Variants in CHSY3 observed in about 807,000 individuals in gnomAD.
CHSY3 encodes N-acetylgalactosaminyl-proteoglycan 3-beta-glucuronosyltransferase 3.
A neutral mutation model predicts 67.2 loss-of-function variants in CHSY3; 35 were observed. The ratio of observed to expected loss-of-function variants is 0.52; its 90% CI spans 0.40 to 0.69. CHSY3 has a LOEUF of 0.69. Among genes scored for constraint, CHSY3 ranks in the 30% least tolerant of loss-of-function variants. CHSY3 has a pLI of 0.00. For missense variants in CHSY3, 1,069 were observed against 1,138.5 expected (o/e 0.94, Z 0.88); for synonymous variants, 474 against 434.7 (o/e 1.09, Z -1.12).
At chr5:130,045,527 A>G (rs1224837441) in intron 2 of CHSY3, among the ~76,000 whole-genome samples, 1 of 152,060 alleles carries the variant, frequency 6.6e-6, no homozygotes, top group African/African-American at 2.4e-5. Flanking sequence ...GTTGCTAGTG[A>G]CACAAGGATG....
At chr5:130,075,170 G>T (rs1167796771) in intron 2 of CHSY3, among the ~76,000 whole-genome samples, 3 of 152,024 alleles carry the variant, frequency 2.0e-5, no homozygotes, top group African/African-American at 4.8e-5. Context: ...AATGTTTCAG[G>T]CTTAGAGAGG....
intron 2 of CHSY3, among the ~76,000 whole-genome samples, chr5:129,968,749 C>T (rs1180452633): frequency 2.0e-5 from 3 of 151,792 alleles, no homozygotes; most frequent in Non-Finnish European, 1.5e-5. Flanking sequence ...AGCAAACAGG[C>T]CAATGTGTGT....
chr5:130,019,148 A>T (rs527663460), intron 2 of CHSY3, among the ~76,000 whole-genome samples: 89 of 151,740 alleles, frequency 5.9e-4, no homozygotes, highest in Non-Finnish European at 9.4e-4. Flanking sequence ...GTAGAAAAAA[A>T]TTTTTTTTTC....
At chr5:130,149,566 C>T (rs1398013275) in intron 2 of CHSY3, among the ~76,000 whole-genome samples, 1 of 152,188 alleles carries the variant, frequency 6.6e-6, no homozygotes, top group Non-Finnish European at 1.5e-5. Flanking sequence ...AAACACCTCC[C>T]ACTAGGCCCC....
intron 2 of CHSY3, among the ~76,000 whole-genome samples, chr5:130,060,268 A>G (rs1417505693): frequency 6.6e-6 from 1 of 152,224 alleles, no homozygotes; most frequent in South Asian, 2.1e-4. Context: ...ACATCCACAA[A>G]TCAATAAATG....
chr5:130,112,032 G>A (rs1767606433), intron 2 of CHSY3, among the ~76,000 whole-genome samples: 1 of 151,994 alleles, frequency 6.6e-6, no homozygotes, highest in Non-Finnish European at 1.5e-5. Flanking sequence ...GTTGATAAGG[G>A]GCTGAGCCTC....
At chr5:130,159,562 CTCT>C (rs1369442328) in intron 2 of CHSY3, among the ~76,000 whole-genome samples, 1 of 152,112 alleles carries the variant, frequency 6.6e-6, no homozygotes, top group Non-Finnish European at 1.5e-5. Flanking sequence ...ATTGTGCAGC[CTCT>C]TCTTACTGCT....
chr5:129,925,145 G>C (rs1035098215), intron 2 of CHSY3, among the ~76,000 whole-genome samples: 6 of 152,160 alleles, frequency 3.9e-5, no homozygotes, highest in Admixed American at 2.6e-4. Flanking sequence ...ATTTCACCAG[G>C]GAAGGCTTCT....
rs116276928 is a variant in CHSY3 at position 130,057,689 on chromosome 5, A to C, written c.1087-126540A>C. Among the ~76,000 whole-genome samples the C allele has an allele frequency of 4.7e-3, 717 of 152,342 alleles. 9 individuals are homozygous for C. Among genetic ancestry groups the C allele is most frequent in the African/African-American group, 0.016 (678 of 41,584 alleles). On this transcript the variant is annotated intron_variant, in intron 2 of 2. Coordinates refer to ENST00000305031, the MANE Select transcript of CHSY3 (RefSeq NM_175856.5). The stretch of plus-strand genomic sequence containing the variant: ...AAAAGGACTAATGATGGACTCATCT[A>C]TAATTTTTGGCTTGCTTTCTCCATA...
intron 2 of CHSY3, among the ~76,000 whole-genome samples, chr5:130,042,576 G>T (rs1459735378): frequency 1.3e-5 from 2 of 152,002 alleles, no homozygotes; most frequent in Admixed American, 6.6e-5. Flanking sequence ...TTAAAGTATA[G>T]AGCATTTATA....
chr5:130,143,816 A>ATAT (rs1768985195), intron 2 of CHSY3, among the ~76,000 whole-genome samples: 1 of 100,342 alleles, frequency 1.0e-5, no homozygotes, highest in African/African-American at 3.9e-5. Context: ...GTGTGTATAT[A>ATAT]TATATATATA....
At chr5:130,144,289 A>T (rs1289142376) in intron 2 of CHSY3, among the ~76,000 whole-genome samples, 1 of 152,102 alleles carries the variant, frequency 6.6e-6, no homozygotes, top group African/African-American at 2.4e-5. Context: ...CTTATCCCCC[A>T]CAAAAGGGAC....
intron 1 of CHSY3, chr5:129,905,908 TTTA>T: frequency 1.6e-6 from 1 of 627,238 alleles, no homozygotes. Flanking sequence ...TCCCTTAGTC[TTTA>T]CCTCGTCGGA....
intron 2 of CHSY3, among the ~76,000 whole-genome samples, chr5:130,075,357 G>C (rs73785870): frequency 6.6e-6 from 1 of 152,070 alleles, no homozygotes; most frequent in Admixed American, 6.6e-5. Context: ...AATTCAAAGA[G>C]ATGGGTCTCT....
At chr5:130,151,948 T>C (rs1769243675) in intron 2 of CHSY3, among the ~76,000 whole-genome samples, 1 of 152,200 alleles carries the variant, frequency 6.6e-6, no homozygotes, top group Non-Finnish European at 1.5e-5. Flanking sequence ...ATCAGCATTG[T>C]CATTGTAGAT....
At chr5:129,972,640 G>A (rs1433751775) in intron 2 of CHSY3, among the ~76,000 whole-genome samples, 1 of 151,486 alleles carries the variant, frequency 6.6e-6, no homozygotes, top group African/African-American at 2.4e-5. Flanking sequence ...GTCTGTGTGT[G>A]TCTTCATGAA....
intron 2 of CHSY3, among the ~76,000 whole-genome samples, chr5:130,151,539 G>GA (rs1335535381): frequency 6.6e-6 from 1 of 152,294 alleles, no homozygotes; most frequent in African/African-American, 2.4e-5. Context: ...CTGCTATGAA[G>GA]ATATACCCCA....
intron 2 of CHSY3, among the ~76,000 whole-genome samples, chr5:130,042,837 G>A (rs753699777): frequency 3.9e-5 from 6 of 151,924 alleles, no homozygotes; most frequent in African/African-American, 1.2e-4. Context: ...ATCCTGGTAC[G>A]TATTACCTAA....
At chr5:129,923,286 G>GA (rs1238593528) in intron 2 of CHSY3, among the ~76,000 whole-genome samples, 7 of 151,712 alleles carry the variant, frequency 4.6e-5, no homozygotes, top group Non-Finnish European at 7.4e-5. Context: ...AGAAGAAAAA[G>GA]AAAAAAAATA....
Sources: gnomAD v4.1 joint callset for allele counts (sites outside exome capture counted in the v4.1 genomes callset) on GRCh38, gnomAD v4.1.1 for gene constraint, MANE v1.5 for transcripts, NCBI Gene and HGNC (gene_info 2026-07-23, HGNC 2026-07-21) for gene names.